Variants in TMEM132B observed in about 807,000 individuals in gnomAD.
The protein encoded by TMEM132B is transmembrane protein 132B.
TMEM132B carries 18 observed loss-of-function variants against 90.8 expected under a neutral mutation model. That is an observed-to-expected ratio of 0.20 (90% CI 0.14 to 0.29). The LOEUF (loss-of-function observed/expected upper bound fraction) is 0.29, where lower values mean the gene tolerates loss of function less well. Among genes scored for constraint, TMEM132B ranks in the 10% least tolerant of loss-of-function variants. TMEM132B has a pLI of 1.00. For synonymous variants in TMEM132B, 504 were observed against 523.3 expected (o/e 0.96, Z 0.50); for missense variants, 1,096 against 1,326.8 (o/e 0.83, Z 2.70).
rs59220510 is a variant in TMEM132B at position 125,325,669 on chromosome 12, C to CTGTGTG, written c.68-23737_68-23732dup. Reference sequence around the variant, plus strand: ...TTGCATTCTTTCCCTGCCTCCCACCCTGTGTGTGTGTGTGTGTGTGTGTGT... The same window carrying CTGTGTG: ...TTGCATTCTTTCCCTGCCTCCCACCCTGTGTGTGTGTGTGTGTGTGTGTGTGTGTGT... On this transcript the variant is annotated intron_variant, in intron 1 of 8. Coordinates refer to ENST00000682704, the MANE Select transcript of TMEM132B (RefSeq NM_001366854.1). Among the ~76,000 whole-genome samples the CTGTGTG allele has an allele frequency of 2.9e-3, 362 of 124,366 alleles. 2 individuals are homozygous for CTGTGTG. The highest frequency in any genetic ancestry group is 0.011 in the East Asian group (39 of 3,630). 81.6% of individuals were successfully genotyped at this position (124,366 alleles called of 152,430 possible).
intron 5 of TMEM132B, chr12:125,587,562 G>A (rs750491547): frequency 2.8e-4 from 43 of 152,232 alleles, no homozygotes; most frequent in Admixed American, 3.9e-4. Context: ...TGTGAACCTC[G>A]TCTGGAGTTG....
intron 4 of TMEM132B, among the ~76,000 whole-genome samples, chr12:125,548,599 G>A (rs1884145688): frequency 6.6e-6 from 1 of 152,224 alleles, no homozygotes; most frequent in Admixed American, 6.5e-5. Context: ...ACAGGCGAAA[G>A]GCTGGTGGTC....
intron 4 of TMEM132B, among the ~76,000 whole-genome samples, chr12:125,533,675 T>TCCCCA (rs1883711723): frequency 6.6e-6 from 1 of 151,694 alleles, no homozygotes; most frequent in South Asian, 2.1e-4. Flanking sequence ...CGCCCTCCCC[T>TCCCCA]CCCCGGCGGA....
Position 125,320,730 on chromosome 12 carries a change from C to T in TMEM132B, c.68-28722C>T, listed in dbSNP as rs372736829. Among the ~76,000 whole-genome samples, 33 of 152,310 alleles carry T rather than the reference C, an allele frequency of 2.2e-4. No individual in the cohort carries two copies. In the South Asian group the frequency reaches 3.7e-3, roughly 17 times the overall value. On this transcript the variant is annotated intron_variant, in intron 1 of 8. Coordinates refer to ENST00000682704, the MANE Select transcript of TMEM132B (RefSeq NM_001366854.1). The stretch of plus-strand genomic sequence containing the variant: ...TCATGAGTCTGCTCCTGAAACACCA[C>T]GCACCATAGGGACAAGGGAAAATGC...
At chr12:125,521,559 A>G (rs1883307247) in intron 4 of TMEM132B, among the ~76,000 whole-genome samples, 1 of 152,212 alleles carries the variant, frequency 6.6e-6, no homozygotes, top group Non-Finnish European at 1.5e-5. Context: ...CAGATGTAGA[A>G]CAGAAGAGAG....
rs536340120 is a variant in TMEM132B at position 125,245,924 on chromosome 12, C to T, written c.67+59058C>T. Among the ~76,000 whole-genome samples, 12 of 152,306 alleles carry T rather than the reference C, an allele frequency of 7.9e-5. No homozygotes were observed. In the East Asian group the frequency reaches 1.7e-3, roughly 22 times the overall value. On this transcript the variant is annotated intron_variant, in intron 1 of 8. Transcript: ENST00000682704. ...TGGGGTCCCGAGCTGCCAGGTCAGGCCTCCCTGGGGATACCTGAGTTGATT... is the reference window on the plus strand; with the variant it reads ...TGGGGTCCCGAGCTGCCAGGTCAGGTCTCCCTGGGGATACCTGAGTTGATT...
chr12:125,616,166 C>T (rs1309508849), intron 5 of TMEM132B, among the ~76,000 whole-genome samples: 1 of 147,908 alleles, frequency 6.8e-6, no homozygotes, highest in Non-Finnish European at 1.5e-5. Context: ...TCAATTCCCA[C>T]CTATGAGTGA....
intron 2 of TMEM132B, among the ~76,000 whole-genome samples, chr12:125,414,837 G>A (rs539417009): frequency 6.6e-6 from 1 of 152,178 alleles, no homozygotes; most frequent in East Asian, 1.9e-4. Flanking sequence ...ATGTTTTCTG[G>A]TTAGTAGCAA....
At chr12:125,465,040 C>T (rs1288889971) in intron 3 of TMEM132B, among the ~76,000 whole-genome samples, 1 of 152,138 alleles carries the variant, frequency 6.6e-6, no homozygotes, top group Non-Finnish European at 1.5e-5. Context: ...GGAACATTTC[C>T]AAACTATTTT....
intron 1 of TMEM132B, among the ~76,000 whole-genome samples, chr12:125,273,407 T>C (rs1293787100): frequency 1.3e-5 from 2 of 152,026 alleles, no homozygotes; most frequent in Non-Finnish European, 2.9e-5. Flanking sequence ...GGCAACACAG[T>C]GAAACCTCAT....
intron 1 of TMEM132B, among the ~76,000 whole-genome samples, chr12:125,234,497 G>T (rs1487851742): frequency 6.6e-6 from 1 of 152,186 alleles, no homozygotes; most frequent in Non-Finnish European, 1.5e-5. Flanking sequence ...CTGGAAGCCT[G>T]TTAGAAATGT....
intron 4 of TMEM132B, among the ~76,000 whole-genome samples, chr12:125,579,773 T>A (rs1885012024): frequency 6.6e-6 from 1 of 152,194 alleles, no homozygotes; most frequent in African/African-American, 2.4e-5. Flanking sequence ...TACCTTAGCT[T>A]TCTCAGGGAA....
chr12:125,328,247 T>C (rs944852085), intron 1 of TMEM132B, among the ~76,000 whole-genome samples: 1 of 152,202 alleles, frequency 6.6e-6, no homozygotes, highest in African/African-American at 2.4e-5. Flanking sequence ...CTGAAGGATG[T>C]GCCCTTTCCT....
At chr12:125,503,876 T>A (rs1882762477) in intron 3 of TMEM132B, among the ~76,000 whole-genome samples, 1 of 152,128 alleles carries the variant, frequency 6.6e-6, no homozygotes, top group Non-Finnish European at 1.5e-5. Flanking sequence ...ATTTCAGGAG[T>A]GCTTTAAGAG....
intron 3 of TMEM132B, among the ~76,000 whole-genome samples, chr12:125,456,699 C>T (rs1450834565): frequency 6.6e-6 from 1 of 152,202 alleles, no homozygotes; most frequent in African/African-American, 2.4e-5. Context: ...TATTCCCAGG[C>T]CTCCCCACTG....
At chr12:125,329,358 G>A (rs1305167038) in intron 1 of TMEM132B, among the ~76,000 whole-genome samples, 1 of 152,196 alleles carries the variant, frequency 6.6e-6, no homozygotes, top group Non-Finnish European at 1.5e-5. Flanking sequence ...AGACAAATGA[G>A]TGTGCCTGAT....
chr12:125,601,483 A>G (rs1207046949), intron 5 of TMEM132B, among the ~76,000 whole-genome samples: 2 of 152,222 alleles, frequency 1.3e-5, no homozygotes, highest in Non-Finnish European at 1.5e-5. Flanking sequence ...AGGGAAATTT[A>G]TAGCACTAAA....
chr12:125,604,276 A>AG (rs200970312), intron 5 of TMEM132B, among the ~76,000 whole-genome samples: 16,158 of 152,190 alleles, frequency 0.11, 1,127 homozygotes, highest in South Asian at 0.22. Context: ...ATAAAAGGGA[A>AG]TGAGACTGTG....
chr12:125,495,595 ATTAAC>A (rs1279750298), intron 3 of TMEM132B, among the ~76,000 whole-genome samples: 4 of 152,176 alleles, frequency 2.6e-5, no homozygotes, highest in Non-Finnish European at 5.9e-5. Context: ...CTATGCAACA[ATTAAC>A]TTCATCCATT....
Sources: allele counts gnomAD v4.1 joint callset (sites outside exome capture counted in the v4.1 genomes callset), GRCh38; gene constraint gnomAD v4.1.1; transcripts MANE v1.5; gene names NCBI Gene and HGNC (gene_info 2026-07-23, HGNC 2026-07-21).